BRWD3: variants seen among roughly 807,000 people sequenced by gnomAD.
BRWD3 encodes the protein bromodomain and WD repeat-containing protein 3.
In BRWD3, 10 loss-of-function variants were observed where a neutral mutation model predicts 149.7. The observed-to-expected ratio is 0.07, with a 90% confidence interval of 0.04 to 0.11. BRWD3 has a LOEUF of 0.11. BRWD3 is among the 10% of genes least tolerant of loss of function. The probability of loss-of-function intolerance (pLI) is 1.00; values close to 1 mark genes in which losing one functional copy is unlikely to be tolerated. For missense variants in BRWD3, 940 were observed against 1,373.2 expected (o/e 0.68, Z 4.99); for synonymous variants, 504 against 456.7 (o/e 1.10, Z -1.32).
At chrX:80,696,231 GTATTT>G (rs1354020398) in intron 26 of BRWD3, among the ~76,000 whole-genome samples, 8 of 110,098 alleles carry the variant, frequency 7.3e-5, no homozygotes, top group Non-Finnish European at 1.3e-4. Flanking sequence ...TTAATATGAG[GTATTT>G]TATATTAAGG....
intron 34 of BRWD3, 54 bp downstream of exon 34, chrX:80,688,015 C>T: frequency 2.0e-6 from 2 of 1,016,561 alleles, no homozygotes; most frequent in Admixed American, 2.2e-5. Flanking sequence ...TTAGGGATCA[C>T]TGACACAGGA....
rs762290547 is a variant in BRWD3 at position 80,688,057 on chromosome X, T to A, written c.3864+12A>T. The A allele has an allele frequency of 8.4e-7, 1 of 1,184,426 alleles. No homozygotes were observed. Among genetic ancestry groups the A allele is most frequent in the Non-Finnish European group, 1.1e-6 (1 of 870,781 alleles). The stretch of plus-strand genomic sequence containing the variant: ...AAAACATATCTCCTCAGCAGTTCAC[T>A]TATTTACTCACCTTTCTTCCAGATG... On this transcript the variant is annotated intron_variant, in intron 34 of 40. Transcript: ENST00000373275.
Position 80,716,181 on chromosome X carries a change from T to C in BRWD3, c.2301A>G (p.Lys767=). The change falls in exon 20 of 41, where the codon AAA becomes AAG. Residue 767 remains lysine, a synonymous_variant. Coordinates refer to ENST00000373275, the MANE Select transcript of BRWD3 (RefSeq NM_153252.5). ...CCCTTTGAGTAGTGTAAGATGGCTT[T>C]TTCTTCTTTTCAACTGTATAAAGAC... ...EISLYTVEKK[K]KPSYTTQRND... 1 of 1,208,927 alleles carries C rather than the reference T, an allele frequency of 8.3e-7. No homozygotes were observed. The highest frequency in any genetic ancestry group is 1.1e-6 in the Non-Finnish European group (1 of 893,242).
intron 22 of BRWD3, among the ~76,000 whole-genome samples, chrX:80,705,808 A>T: frequency 8.9e-6 from 1 of 111,948 alleles, no homozygotes; most frequent in Non-Finnish European, 1.9e-5. Flanking sequence ...GATTTTTAAA[A>T]ATGTATACAT....
At chrX:80,740,145 C>T (rs1056686696) in intron 8 of BRWD3, among the ~76,000 whole-genome samples, 1 of 111,297 alleles carries the variant, frequency 9.0e-6, no homozygotes, top group Non-Finnish European at 1.9e-5. Context: ...TTCTTGCTAG[C>T]TCCCCATAAA....
rs184848864 is a variant in BRWD3 at position 80,771,456 on chromosome X, A to C, written c.430+20398T>G. Among the ~76,000 whole-genome samples, 20 of 111,600 alleles carry C rather than the reference A, an allele frequency of 1.8e-4. No homozygotes were observed. In the Admixed American group the frequency reaches 1.8e-3, roughly 10 times the overall value. ...CTCAGAAATAACACCACACATCTAC[A>C]ACCATCTGATCTTTGACAAATCTGA... On this transcript the variant is annotated intron_variant, in intron 6 of 40. Coordinates refer to ENST00000373275, the MANE Select transcript of BRWD3 (RefSeq NM_153252.5).
At chrX:80,768,423 A>G (rs1182190737) in intron 6 of BRWD3, among the ~76,000 whole-genome samples, 1 of 111,827 alleles carries the variant, frequency 8.9e-6, no homozygotes, top group Non-Finnish European at 1.9e-5. Flanking sequence ...GGGGGCCAAT[A>G]TTCAACATTC....
chrX:80,723,609 C>A (rs2073181595), intron 16 of BRWD3, 139 bp downstream of exon 16: 2 of 653,022 alleles, frequency 3.1e-6, no homozygotes, highest in Non-Finnish European at 4.6e-6. Flanking sequence ...AATTGAGAAC[C>A]TTTACTAAGA....
At chrX:80,766,781 G>T (rs988072487) in intron 6 of BRWD3, among the ~76,000 whole-genome samples, 1 of 112,229 alleles carries the variant, frequency 8.9e-6, no homozygotes, top group East Asian at 2.8e-4. Flanking sequence ...TGCAGCCCTC[G>T]GAGGGCGAGT....
At chrX:80,725,178 A>T (rs2147757788) in intron 14 of BRWD3, 111 bp from the exon 15 acceptor site, 1 of 813,680 alleles carries the variant, frequency 1.2e-6, no homozygotes, top group South Asian at 2.2e-5. Context: ...TATGCAGAAT[A>T]ATTTAACAGC....
chrX:80,678,713 G>A (rs995613386), intron 40 of BRWD3, among the ~76,000 whole-genome samples: 1 of 110,920 alleles, frequency 9.0e-6, no homozygotes, highest in Non-Finnish European at 1.9e-5. Context: ...CCAGCCAGTG[G>A]GGTCGGTAGG....
chrX:80,798,474 CT>C (rs753539891), intron 4 of BRWD3, among the ~76,000 whole-genome samples: 22 of 111,060 alleles, frequency 2.0e-4, no homozygotes, highest in Non-Finnish European at 3.8e-4. Context: ...ATAAACCACT[CT>C]TTTTGTTTAA....
intron 6 of BRWD3, among the ~76,000 whole-genome samples, chrX:80,780,366 T>C (rs1197552247): frequency 9.0e-6 from 1 of 111,554 alleles, no homozygotes; most frequent in Non-Finnish European, 1.9e-5. Context: ...TATAATAAAA[T>C]AAGCCCTCAT....
At chrX:80,704,246 A>C (rs1329230883) in intron 23 of BRWD3, among the ~76,000 whole-genome samples, 1 of 56,292 alleles carries the variant, frequency 1.8e-5, no homozygotes, top group African/African-American at 4.3e-5. Context: ...TCTTTAAAAA[A>C]AACACCAAAA....
At chrX:80,725,674 T>C (rs2073207599) in intron 14 of BRWD3, among the ~76,000 whole-genome samples, 1 of 111,841 alleles carries the variant, frequency 8.9e-6, no homozygotes, top group African/African-American at 3.2e-5. Context: ...CATGCCTATA[T>C]AACATATAAC....
chrX:80,689,685 C>A, intron 33 of BRWD3, 83 bp downstream of exon 33: 1 of 870,571 alleles, frequency 1.1e-6, no homozygotes, highest in East Asian at 3.3e-5. Context: ...CTGTTCATGG[C>A]CAATTACAAC....
chrX:80,707,039 CATGA>C (rs1377068108), intron 22 of BRWD3, among the ~76,000 whole-genome samples: 4 of 112,767 alleles, frequency 3.5e-5, no homozygotes, highest in Non-Finnish European at 7.5e-5. Flanking sequence ...CTCACAAACA[CATGA>C]ATAACACTTT....
At chrX:80,735,293 A>T (rs777964960) in intron 9 of BRWD3, 96 bp from the exon 10 acceptor site, 564 of 683,078 alleles carry the variant, frequency 8.3e-4, no homozygotes, top group Middle Eastern at 2.1e-3. Context: ...TTTAGCATCA[A>T]TATTATAGAA....
chrX:80,669,877 AC>A lies in BRWD3; in HGVS notation c.*6731del, dbSNP rs2072310106. 1.8e-5 allele frequency among the ~76,000 whole-genome samples: 2 copies of A among 111,517 alleles called. No individual in the cohort carries two copies. The highest frequency in any genetic ancestry group is 6.5e-5 in the African/African-American group (2 of 30,769). ...TACAAAACTTATAAAATTGAAGAGA[AC>A]TGCAAAGATGCTGACCAGGCAAGGT... is the stretch of plus-strand genomic sequence containing the variant. On this transcript the variant is annotated 3_prime_UTR_variant, in exon 41 of 41. Coordinates refer to ENST00000373275, the MANE Select transcript of BRWD3 (RefSeq NM_153252.5).
Sources: gnomAD v4.1 joint callset for allele counts (sites outside exome capture counted in the v4.1 genomes callset) on GRCh38, gnomAD v4.1.1 for gene constraint, MANE v1.5 for transcripts, NCBI Gene and HGNC (gene_info 2026-07-23, HGNC 2026-07-21) for gene names.